NLGN1: variants seen among roughly 807,000 people sequenced by gnomAD.
The protein encoded by NLGN1 is neuroligin-1.
A neutral mutation model predicts 65.5 loss-of-function variants in NLGN1; 12 were observed. The ratio of observed to expected loss-of-function variants is 0.18; its 90% confidence interval spans 0.12 to 0.30. NLGN1 has a LOEUF of 0.30. Ranked by LOEUF, NLGN1 falls within the 10% of genes least tolerant of loss-of-function variation. The pLI is 1.00. For missense variants in NLGN1, 750 were observed against 1,007.1 expected (o/e 0.74, Z 3.46); for synonymous variants, 350 against 359.5 (o/e 0.97, Z 0.30).
chr3:174,180,620 A>T (rs1577240437), intron 4 of NLGN1, among the ~76,000 whole-genome samples: 1 of 152,138 alleles, frequency 6.6e-6, no homozygotes. Flanking sequence ...TATTTTAAAG[A>T]TAATAACTCT....
chr3:173,903,838 G>T (rs1737837818), intron 4 of NLGN1, among the ~76,000 whole-genome samples: 1 of 152,144 alleles, frequency 6.6e-6, no homozygotes, highest in Non-Finnish European at 1.5e-5. Context: ...ATATATTTCA[G>T]GGAGCTGTAA....
intron 3 of NLGN1, among the ~76,000 whole-genome samples, chr3:173,801,063 C>G (rs1467970643): frequency 6.6e-6 from 1 of 151,910 alleles, no homozygotes; most frequent in Non-Finnish European, 1.5e-5. Context: ...TTCTTAATTT[C>G]AAGGAGACAT....
At chr3:173,854,566 T>A (rs190532340) in intron 4 of NLGN1, among the ~76,000 whole-genome samples, 6,010 of 151,958 alleles carry the variant, frequency 0.04, 192 homozygotes, top group Middle Eastern at 0.099. Flanking sequence ...TAACTTTTTT[T>A]AAAAAAAATC....
intron 4 of NLGN1, among the ~76,000 whole-genome samples, chr3:174,050,356 T>A (rs1268509169): frequency 1.3e-5 from 2 of 152,028 alleles, no homozygotes; most frequent in Non-Finnish European, 1.5e-5. Context: ...ACAATAGCCA[T>A]GAAAAGAAAG....
chr3:174,104,497 A>G (rs78462229), intron 4 of NLGN1, among the ~76,000 whole-genome samples: 11,628 of 152,228 alleles, frequency 0.076, 517 homozygotes, highest in African/African-American at 0.1. Context: ...CTTACTAGGC[A>G]TAGATTATGC....
rs553427724 is a variant in NLGN1 at position 173,763,461 on chromosome 3, G to T, written c.494-44219G>T. 5.3e-5 allele frequency among the ~76,000 whole-genome samples: 8 copies of T among 152,212 alleles called. No individual in the cohort carries two copies. In the East Asian group the frequency reaches 1.5e-3, roughly 29 times the overall value. ...AATGGAAAGCACAGCAGAAATTCAT[G>T]ATTTGGGTTTACTTTTTGTATTACA... On this transcript the variant is annotated intron_variant, in intron 3 of 6. Transcript: ENST00000457714.
At chr3:173,696,467 G>T (rs1249833883) in intron 3 of NLGN1, among the ~76,000 whole-genome samples, 1 of 152,052 alleles carries the variant, frequency 6.6e-6, no homozygotes, top group African/African-American at 2.4e-5. Flanking sequence ...GACTATGAGT[G>T]GCCCTCTTGT....
chr3:173,565,621 T>A (rs1311964520), intron 2 of NLGN1, among the ~76,000 whole-genome samples: 1 of 151,894 alleles, frequency 6.6e-6, no homozygotes, highest in African/African-American at 2.4e-5. Context: ...CACAGGAAAA[T>A]AGAGGAAAAC....
At chr3:173,943,061 C>A (rs1012458343) in intron 4 of NLGN1, among the ~76,000 whole-genome samples, 1 of 151,682 alleles carries the variant, frequency 6.6e-6, no homozygotes, top group Non-Finnish European at 1.5e-5. Flanking sequence ...CCCATCTTTA[C>A]AAAAAATATA....
chr3:174,280,531 C>G lies in NLGN1; in HGVS notation c.1700C>G (p.Pro567Arg), dbSNP rs1283912343. The G allele has an allele frequency of 6.2e-7, 1 of 1,612,756 alleles. No homozygotes were observed. The highest frequency in any genetic ancestry group is 2.2e-5 in the East Asian group (1 of 44,814). The change falls in exon 7 of 7, where the codon CCC becomes CGC. Residue 567 changes from proline to arginine, a missense_variant. Coordinates refer to ENST00000457714, the Ensembl canonical transcript of NLGN1. This position sits in a 1 kb window ranked among gnomAD's most constrained non-coding sequence, Gnocchi z 4.9. ...GACACGAAATTCATTCATACCAAAC[C>G]CAACCGTTTTGAAGAAGTAGCATGG...
At chr3:174,107,419 T>G (rs535924849) in intron 4 of NLGN1, among the ~76,000 whole-genome samples, 7 of 152,168 alleles carry the variant, frequency 4.6e-5, no homozygotes, top group Non-Finnish European at 7.3e-5. Flanking sequence ...CATTTTTCCC[T>G]TAGTATATTT....
intron 3 of NLGN1, among the ~76,000 whole-genome samples, chr3:173,716,740 T>TGTAATCAGGGTGAA (rs1560225256): frequency 6.6e-6 from 1 of 152,048 alleles, no homozygotes; most frequent in African/African-American, 2.4e-5. Context: ...AAGAGAAAGC[T>TGTAATCAGGGTGAA]GCATAATGTA....
At chr3:173,708,742 C>T (rs1025622159) in intron 3 of NLGN1, among the ~76,000 whole-genome samples, 1 of 152,016 alleles carries the variant, frequency 6.6e-6, no homozygotes, top group Non-Finnish European at 1.5e-5. Context: ...CCCACCTTGC[C>T]TAGATGTAGG....
chr3:173,920,341 G>T (rs1255530109), intron 4 of NLGN1, among the ~76,000 whole-genome samples: 1 of 152,110 alleles, frequency 6.6e-6, no homozygotes, highest in Non-Finnish European at 1.5e-5. Context: ...TATTGCCATT[G>T]ACTGTGCTCA....
intron 4 of NLGN1, among the ~76,000 whole-genome samples, chr3:174,265,783 G>GTGTGTATA (rs1309437479): frequency 7.8e-6 from 1 of 128,518 alleles, no homozygotes. Flanking sequence ...ATATATATAT[G>GTGTGTATA]TATATATATA....
At chr3:174,094,579 A>G (rs568195955) in intron 4 of NLGN1, among the ~76,000 whole-genome samples, 23 of 152,182 alleles carry the variant, frequency 1.5e-4, no homozygotes, top group African/African-American at 5.5e-4. Flanking sequence ...CAAAAACTAC[A>G]AAGCCTATTC....
intron 3 of NLGN1, among the ~76,000 whole-genome samples, chr3:173,668,369 C>T (rs907822858): frequency 2.3e-4 from 35 of 152,044 alleles, no homozygotes; most frequent in Admixed American, 1.7e-3. Context: ...AACCAAAATG[C>T]GTGCATTTTA....
chr3:173,720,772 T>C (rs947179239), intron 3 of NLGN1, among the ~76,000 whole-genome samples: 21 of 152,246 alleles, frequency 1.4e-4, no homozygotes, highest in Admixed American at 9.2e-4. Context: ...ATTGGATGCC[T>C]ATGAAGGCAT....
intron 2 of NLGN1, among the ~76,000 whole-genome samples, chr3:173,517,954 A>G (rs1734121336): frequency 6.6e-6 from 1 of 152,228 alleles, no homozygotes; most frequent in Non-Finnish European, 1.5e-5. Context: ...GACATAAAAG[A>G]TATCACTACA....
Sources: gnomAD v4.1 joint callset for allele counts (sites outside exome capture counted in the v4.1 genomes callset) on GRCh38, gnomAD v4.1.1 for gene constraint, Gnocchi (gnomAD v3.1) non-coding constraint, MANE v1.5 for transcripts, NCBI Gene and HGNC (gene_info 2026-07-23, HGNC 2026-07-21) for gene names.